CSMD1: variants seen among roughly 807,000 people sequenced by gnomAD.
CSMD1 encodes the protein CUB and sushi domain-containing protein 1.
In CSMD1, 213 loss-of-function variants were observed where a neutral mutation model predicts 417.5. The observed-to-expected ratio is 0.51, with a 90% CI of 0.46 to 0.57. The LOEUF (loss-of-function observed/expected upper bound fraction) is 0.57. Ranked by LOEUF, CSMD1 falls within the 20% of genes least tolerant of loss-of-function variation. CSMD1 has a pLI of 0.00. For missense variants in CSMD1, 6,923 were observed against 4,529.7 expected (o/e 1.53, Z -15.17); for synonymous variants, 2,862 against 1,736.8 (o/e 1.65, Z -16.11).
intron 12 of CSMD1, among the ~76,000 whole-genome samples, chr8:3,460,216 G>A (rs769854760): frequency 1.3e-5 from 2 of 152,170 alleles, no homozygotes; most frequent in Non-Finnish European, 2.9e-5. Flanking sequence ...GAGACGGGAA[G>A]ATCAGCAAAT....
chr8:4,939,074 T>G, intron 1 of CSMD1, among the ~76,000 whole-genome samples: 1 of 152,188 alleles, frequency 6.6e-6, no homozygotes, highest in East Asian at 1.9e-4. Context: ...TGCAAATAAT[T>G]CTCCCCCCTC....
intron 25 of CSMD1, among the ~76,000 whole-genome samples, chr8:3,287,499 C>G (rs1803249030): frequency 6.6e-6 from 1 of 152,070 alleles, no homozygotes; most frequent in South Asian, 2.1e-4. Context: ...TTGTAGTTCT[C>G]CCTGAAGAGG....
intron 1 of CSMD1, among the ~76,000 whole-genome samples, chr8:4,930,211 C>G (rs1005899929): frequency 3.3e-5 from 5 of 152,154 alleles, no homozygotes; most frequent in Non-Finnish European, 7.3e-5. Context: ...AATATGCAAT[C>G]AATGTCCTTT....
intron 6 of CSMD1, among the ~76,000 whole-genome samples, chr8:3,733,178 C>G (rs1306590787): frequency 3.9e-5 from 3 of 77,720 alleles, no homozygotes; most frequent in African/African-American, 7.0e-5. Context: ...TACACACACA[C>G]ACACACACAC....
intron 44 of CSMD1, 31 bp from the exon 45 acceptor site, chr8:3,107,829 T>C (rs186706134): frequency 5.1e-6 from 7 of 1,382,150 alleles, no homozygotes; most frequent in South Asian, 2.5e-5. Flanking sequence ...ATAATAATAA[T>C]TGCAATTACA....
At chr8:3,198,745 T>A (rs1174286091) in intron 33 of CSMD1, among the ~76,000 whole-genome samples, 1 of 152,206 alleles carries the variant, frequency 6.6e-6, no homozygotes, top group African/African-American at 2.4e-5. Flanking sequence ...ATAACACTGT[T>A]ATACTCCACC....
At position 3,931,253 on chromosome 8, in the gene CSMD1, G is replaced by C. The variant is rs550857126; in HGVS notation, c.818+66650C>G. 2.7e-4 allele frequency among the ~76,000 whole-genome samples: 41 copies of C among 150,580 alleles called. 3 individuals carry two copies. The South Asian group carries it at 5.6e-3, about 21-fold the overall frequency. The stretch of plus-strand genomic sequence containing the variant: ...GATAATACATTTTGTTAGTTTCTCA[G>C]AACGCTCTGCATTTTGAATTGTTAA... On this transcript the variant is annotated intron_variant, in intron 5 of 69. Transcript: ENST00000635120.
At chr8:3,129,045 G>A (rs1384778477) in intron 41 of CSMD1, 8 of 308,916 alleles carry the variant, frequency 2.6e-5, no homozygotes, top group Non-Finnish European at 4.5e-5. Flanking sequence ...CCTAGGAGAG[G>A]ACTTATGCTT....
chr8:4,671,683 T>C (rs2130948836), intron 1 of CSMD1, among the ~76,000 whole-genome samples: 1 of 152,282 alleles, frequency 6.6e-6, no homozygotes, highest in South Asian at 2.1e-4. Context: ...AGTTTATAGA[T>C]TTATTTTTTC....
chr8:4,054,917 T>A (rs534013041), intron 3 of CSMD1, among the ~76,000 whole-genome samples: 1 of 152,224 alleles, frequency 6.6e-6, no homozygotes, highest in Admixed American at 6.5e-5. Flanking sequence ...AGCTCTGGGG[T>A]TTCTCTTTTA....
chr8:4,383,966 C>T (rs1405262346), intron 3 of CSMD1, among the ~76,000 whole-genome samples: 1 of 152,158 alleles, frequency 6.6e-6, no homozygotes, highest in Admixed American at 6.6e-5. Context: ...ACAGCTCTCT[C>T]AACAGCATAC....
At chr8:4,480,978 G>A (rs923487059) in intron 2 of CSMD1, among the ~76,000 whole-genome samples, 13 of 152,076 alleles carry the variant, frequency 8.5e-5, no homozygotes, top group Admixed American at 3.9e-4. Context: ...TGATTCTTTG[G>A]TGCAGTGATT....
At chr8:4,951,136 T>G (rs1354282794) in intron 1 of CSMD1, among the ~76,000 whole-genome samples, 1 of 152,138 alleles carries the variant, frequency 6.6e-6, no homozygotes. Flanking sequence ...ACCCTCCTCT[T>G]GGACTGTCCC....
chr8:4,642,198 G>T (rs558996436), intron 1 of CSMD1, among the ~76,000 whole-genome samples: 1 of 152,182 alleles, frequency 6.6e-6, no homozygotes, highest in Non-Finnish European at 1.5e-5. Context: ...GTGAGCCATG[G>T]AGTTGATGGT....
At chr8:4,717,086 C>G (rs1211314044) in intron 1 of CSMD1, among the ~76,000 whole-genome samples, 3 of 151,866 alleles carry the variant, frequency 2.0e-5, no homozygotes, top group African/African-American at 7.3e-5. Flanking sequence ...CTTCTTCCCT[C>G]TCTGCCCCGA....
intron 26 of CSMD1, chr8:3,279,218 C>G (rs753461330): frequency 6.6e-6 from 1 of 152,184 alleles, no homozygotes; most frequent in Non-Finnish European, 1.5e-5. Flanking sequence ...CGTTGGCCCC[C>G]AAATGAGAGC....
intron 5 of CSMD1, among the ~76,000 whole-genome samples, chr8:3,903,171 T>TA (rs1224967025): frequency 1.3e-5 from 2 of 152,120 alleles, no homozygotes; most frequent in Non-Finnish European, 2.9e-5. Context: ...ATTTAGCGAT[T>TA]GAGTATTAAG....
At chr8:4,316,512 C>G (rs937804493) in intron 3 of CSMD1, among the ~76,000 whole-genome samples, 3 of 152,058 alleles carry the variant, frequency 2.0e-5, no homozygotes, top group African/African-American at 4.8e-5. Context: ...ACAAATAGAA[C>G]TATTATTCCA....
chr8:3,797,819 A>G (rs1474143993), intron 5 of CSMD1, among the ~76,000 whole-genome samples: 1 of 152,020 alleles, frequency 6.6e-6, no homozygotes, highest in African/African-American at 2.4e-5. Flanking sequence ...GTCTGACTTC[A>G]TATAAAAGCA....
Sources: allele counts gnomAD v4.1 joint callset (sites outside exome capture counted in the v4.1 genomes callset), GRCh38; gene constraint gnomAD v4.1.1; transcripts MANE v1.5; gene names NCBI Gene and HGNC (gene_info 2026-07-23, HGNC 2026-07-21).